The following PHF12 variants were observed in gnomAD, a reference collection of about 807,000 sequenced individuals.
The protein encoded by PHF12 is PHD factor 1.
A neutral mutation model predicts 99.8 loss-of-function variants in PHF12; 6 were observed. The ratio of observed to expected loss-of-function variants is 0.06; its 90% CI spans 0.03 to 0.12. The LOEUF (loss-of-function observed/expected upper bound fraction) is 0.12. PHF12 is among the 10% of genes least tolerant of loss of function. The pLI is 1.00. For missense variants in PHF12, 954 were observed against 1,300.1 expected (o/e 0.73, Z 4.09); for synonymous variants, 480 against 514.9 (o/e 0.93, Z 0.92).
chr17:28,932,823 G>A (rs1208200324), intron 2 of PHF12, among the ~76,000 whole-genome samples: 2 of 152,210 alleles, frequency 1.3e-5, no homozygotes, highest in East Asian at 1.9e-4. Context: ...GTGTGCACTT[G>A]TAGTCCCAGC....
rs779782343 is a variant in PHF12, at chr17:28,912,902, T to G, written c.1669A>C (p.Thr557Pro). The change falls in exon 9 of 15, where the codon ACT becomes CCT. Residue 557 changes from threonine (T) to proline (P), a missense_variant. This residue lies in a region of PHF12 where 392 missense variants were observed against 423.1 expected (regional missense o/e 0.93). Transcript: ENST00000332830. ...ANGPHLYSSP[T>P]DSTDPRRLPG... ...AGTCGCCGGGGGTCCGTGGAATCAGTAGGGCTGCTGTAGAGGTGTGGGCCA... is the reference window on the plus strand; with the variant it reads ...AGTCGCCGGGGGTCCGTGGAATCAGGAGGGCTGCTGTAGAGGTGTGGGCCA... 1 of 1,613,924 alleles carries G rather than the reference T, an allele frequency of 6.2e-7. No homozygotes were observed. The highest frequency in any genetic ancestry group is 1.3e-5 in the African/African-American group (1 of 74,944).
chr17:28,931,770 T>TG (rs2040413183), intron 2 of PHF12, among the ~76,000 whole-genome samples: 1 of 151,292 alleles, frequency 6.6e-6, no homozygotes, highest in Non-Finnish European at 1.5e-5. Context: ...TTTTTAGAGA[T>TG]GGGGTTTCAC....
At chr17:28,923,300 T>C (rs560121733) in intron 4 of PHF12, among the ~76,000 whole-genome samples, 3 of 152,140 alleles carry the variant, frequency 2.0e-5, no homozygotes, top group Non-Finnish European at 2.9e-5. Flanking sequence ...GAAATTTTCA[T>C]TGTAGCCCTT....
intron 12 of PHF12, 173 bp downstream of exon 12, chr17:28,908,610 G>GT (rs2039909978): frequency 1.5e-6 from 1 of 648,976 alleles, no homozygotes; most frequent in African/African-American, 1.8e-5. Context: ...GTGAGCCACC[G>GT]TGACTGGCTG....
At position 28,907,620 on chromosome 17, in the gene PHF12, G is replaced by C. The variant is rs770905812; in HGVS notation, c.2511C>G (p.Ser837=). 2 of 1,613,912 alleles carry C rather than the reference G, an allele frequency of 1.2e-6. No individual in the cohort carries two copies. The highest frequency in any genetic ancestry group is 1.7e-6 in the Non-Finnish European group (2 of 1,179,892). The change falls in exon 13 of 15, where the codon TCC becomes TCG. Residue 837 remains serine, a synonymous_variant. Transcript: ENST00000332830. Reference sequence around the variant, plus strand: ...CGTAGAATATGCAGGCATGTTTCCCGGACACGTAGTTACAGTGACCATAGT... The same window carrying C: ...CGTAGAATATGCAGGCATGTTTCCCCGACACGTAGTTACAGTGACCATAGT... The part of the protein sequence containing the change: ...LTNYGHCNYV[S]GKHACIFYDE...
chr17:28,906,362 A>C lies in PHF12; in HGVS notation c.2836T>G (p.Leu946Val), dbSNP rs527686234. The change falls in exon 15 of 15, where the codon TTA becomes GTA. Residue 946 changes from leucine to valine, a missense_variant. Physicochemically the swap from Leu to Val is conservative, Grantham distance 32 (BLOSUM62 1). This residue lies in a region of PHF12 where 136 missense variants were observed against 172.3 expected (regional missense o/e 0.79). Coordinates refer to ENST00000332830, the MANE Select transcript of PHF12 (RefSeq NM_001033561.2). The surrounding 1 kb of genome is among the most constrained non-coding windows in gnomAD (Gnocchi z 4.2). Reference protein sequence around the residue: ...GSGAGWEGTALLHHGSYIKLG... With the variant: ...GSGAGWEGTAVLHHGSYIKLG... ...TTGATGTAGCTGCCATGGTGCAGTA[A>C]GGCTGTGCCCTCCCAGCCGGCCCCA... 21 of 1,614,240 alleles carry C rather than the reference A, an allele frequency of 1.3e-5. No individual in the cohort carries two copies. The South Asian group carries it at 2.3e-4, about 18-fold the overall frequency.
In PHF12 at chr17:28,950,041, T is replaced by A. The variant is rs1189609374; in HGVS notation, c.248+24A>T. 1 of 1,567,744 alleles carries A rather than the reference T, an allele frequency of 6.4e-7. No homozygotes were observed. Among genetic ancestry groups the A allele is most frequent in the Non-Finnish European group, 8.7e-7 (1 of 1,153,320 alleles). ...CGCAGAGAAGGGTCCGCCAAGAAGC[T>A]CCAAAAGGGTCCCCAGACCTTACCA... On this transcript the variant is annotated intron_variant, in intron 2 of 14. Transcript: ENST00000332830. The surrounding 1 kb of genome is among the most constrained non-coding windows in gnomAD (Gnocchi z 5.7).
chr17:28,938,543 A>G (rs2040551784), intron 2 of PHF12, among the ~76,000 whole-genome samples: 1 of 152,112 alleles, frequency 6.6e-6, no homozygotes, highest in South Asian at 2.1e-4. Context: ...GCAGGTTTCT[A>G]CTTAAGACCC....
chr17:28,912,033 C>G, intron 9 of PHF12: 1 of 943,606 alleles, frequency 1.1e-6, no homozygotes, highest in Non-Finnish European at 1.3e-6. Context: ...CAGATTAACT[C>G]TTTCTGAGAA....
At chr17:28,921,309 C>T (rs990831254) in intron 5 of PHF12, among the ~76,000 whole-genome samples, 2 of 152,070 alleles carry the variant, frequency 1.3e-5, no homozygotes, top group African/African-American at 4.8e-5. Context: ...ACTACAGGTG[C>T]GTATCACCAT....
intron 2 of PHF12, among the ~76,000 whole-genome samples, chr17:28,937,842 G>T (rs1022920066): frequency 6.6e-6 from 1 of 152,160 alleles, no homozygotes; most frequent in African/African-American, 2.4e-5. Flanking sequence ...GATGGGCTGG[G>T]GTGCAAACAT....
In PHF12 at chr17:28,950,864, GGA is replaced by G; in HGVS notation, c.66+29_66+30del. 6.2e-7 allele frequency: 1 copy of G among 1,611,296 alleles called. No homozygotes were observed. Among genetic ancestry groups the G allele is most frequent in the Non-Finnish European group, 8.5e-7 (1 of 1,178,290 alleles). ...AGGGCGGAGGTTCCCTCCCGGCGCT[GGA>G]GGAAGGAGATGAGGAGGGCCACTCT... On this transcript the variant is annotated intron_variant, in intron 1 of 14. Coordinates refer to ENST00000332830, the MANE Select transcript of PHF12 (RefSeq NM_001033561.2). The surrounding 1 kb of genome is among the most constrained non-coding windows in gnomAD (Gnocchi z 5.7).
Position 28,921,921 on chromosome 17 carries a change from A to G in PHF12, c.716-113T>C, listed in dbSNP as rs113811050. ...GATCTTAAGCATGTGTCATGGCCTA[A>G]GCATGAATTGCTCTCTGAGGCCCCT... On this transcript the variant is annotated intron_variant, in intron 4 of 14. Coordinates refer to ENST00000332830, the MANE Select transcript of PHF12 (RefSeq NM_001033561.2). The G allele has an allele frequency of 1.1e-5, 15 of 1,420,982 alleles. No homozygotes were observed. In the African/African-American group the frequency reaches 1.7e-4, roughly 16 times the overall value. The allele number at this position is 1,420,982 out of a possible 1,614,324, so 88.0% of individuals were successfully genotyped here.
chr17:28,938,395 A>G (rs573614614), intron 2 of PHF12, among the ~76,000 whole-genome samples: 86 of 152,084 alleles, frequency 5.7e-4, no homozygotes, highest in African/African-American at 2.0e-3. Context: ...ACACCCGGCT[A>G]ATTTTTGTAT....
At chr17:28,907,564 C>T (rs765924916) in intron 13 of PHF12, 26 bp downstream of exon 13, 2 of 1,611,876 alleles carry the variant, frequency 1.2e-6, no homozygotes, top group Non-Finnish European at 1.7e-6. Context: ...GGGAAAGCTC[C>T]CTCCCACCGC....
chr17:28,919,865 T>C (rs2152663777), intron 5 of PHF12, among the ~76,000 whole-genome samples: 1 of 152,314 alleles, frequency 6.6e-6, no homozygotes, highest in East Asian at 1.9e-4. Context: ...TGAATGTTTA[T>C]TTGGAGTACA....
intron 5 of PHF12, among the ~76,000 whole-genome samples, chr17:28,921,207 G>C (rs1323887668): frequency 6.6e-6 from 1 of 152,034 alleles, no homozygotes; most frequent in African/African-American, 2.4e-5. Context: ...TTAAAATACA[G>C]GGTCTCGCTC....
At position 28,906,551 on chromosome 17, in the gene PHF12, C is replaced by G; in HGVS notation, c.2681-34G>C. 3 of 1,561,290 alleles carry G rather than the reference C, an allele frequency of 1.9e-6. No individual in the cohort carries two copies. Among genetic ancestry groups the G allele is most frequent in the Non-Finnish European group, 2.6e-6 (3 of 1,148,648 alleles). ...AAGGGGGATGGTCACAGAAGAGGAA[C>G]AGTGAGCAGCCAACCCATGTGGGCT... On this transcript the variant is annotated intron_variant, in intron 14 of 14. Coordinates refer to ENST00000332830, the MANE Select transcript of PHF12 (RefSeq NM_001033561.2). The surrounding 1 kb of genome is among the most constrained non-coding windows in gnomAD (Gnocchi z 4.2).
At chr17:28,922,491 A>G (rs1334134005) in intron 4 of PHF12, among the ~76,000 whole-genome samples, 1 of 152,112 alleles carries the variant, frequency 6.6e-6, no homozygotes, top group Non-Finnish European at 1.5e-5. Context: ...AAGACCTAGA[A>G]GCTTTACAGT....
Sources: gnomAD v4.1 joint callset for allele counts (sites outside exome capture counted in the v4.1 genomes callset) on GRCh38, gnomAD v4.1.1 for gene constraint, gnomAD v4.1.1 regional missense constraint, Gnocchi (gnomAD v3.1) non-coding constraint, MANE v1.5 for transcripts, NCBI Gene and HGNC (gene_info 2026-07-23, HGNC 2026-07-21) for gene names.